The following EYS variants were observed in gnomAD, a reference collection of about 807,000 sequenced individuals.
EYS encodes protein eyes shut homolog.
EYS carries 250 observed loss-of-function variants against 282.1 expected under a neutral mutation model. The ratio of observed to expected loss-of-function variants is 0.89; its 90% CI spans 0.80 to 0.98. The LOEUF (loss-of-function observed/expected upper bound fraction) is 0.98. Among genes scored for constraint, EYS ranks in the 50% least tolerant of loss-of-function variants. The pLI is 0.00. For missense variants in EYS, 4,016 were observed against 3,709.0 expected, an observed-to-expected ratio of 1.08 and a Z score of -2.15; for synonymous variants, 1,355 against 1,282.9, an observed-to-expected ratio of 1.06 and a Z score of -1.20.
At chr6:63,928,021 G>A (rs548512657) in intron 35 of EYS, among the ~76,000 whole-genome samples, 5 of 152,280 alleles carry the variant, frequency 3.3e-5, no homozygotes, top group African/African-American at 1.2e-4. Flanking sequence ...AATGGAAAAA[G>A]CATTGGTTTC....
intron 26 of EYS, among the ~76,000 whole-genome samples, chr6:64,462,947 T>G (rs72872739): frequency 6.5e-4 from 55 of 84,182 alleles, no homozygotes; most frequent in South Asian, 7.6e-4. Flanking sequence ...CTTTAATTTT[T>G]TTTTTTTTTT....
intron 24 of EYS, among the ~76,000 whole-genome samples, chr6:64,608,372 T>C (rs1197292371): frequency 6.6e-6 from 1 of 152,086 alleles, no homozygotes; most frequent in African/African-American, 2.4e-5. Context: ...GAGTAGTTGG[T>C]CAAATAATAA....
intron 11 of EYS, among the ~76,000 whole-genome samples, chr6:65,318,999 T>G (rs562233418): frequency 6.6e-6 from 1 of 151,628 alleles, no homozygotes; most frequent in South Asian, 2.1e-4. Flanking sequence ...ATTTTCTACT[T>G]TTGATTTGTG....
intron 26 of EYS, among the ~76,000 whole-genome samples, chr6:64,574,298 A>G (rs1416197026): frequency 6.6e-6 from 1 of 152,132 alleles, no homozygotes; most frequent in Non-Finnish European, 1.5e-5. Flanking sequence ...AAGGGGAGGG[A>G]TATCATTAGG....
chr6:65,312,780 A>G (rs1769195231), intron 11 of EYS, among the ~76,000 whole-genome samples: 1 of 152,160 alleles, frequency 6.6e-6, no homozygotes, highest in Non-Finnish European at 1.5e-5. Flanking sequence ...CAGAGCTTCA[A>G]CGTTAAACAG....
intron 11 of EYS, chr6:65,330,761 CAA>C (rs1769766344): frequency 3.1e-6 from 3 of 960,770 alleles, no homozygotes; most frequent in African/African-American, 1.8e-5. Flanking sequence ...CCCGAAATCA[CAA>C]AGATATTTTT....
chr6:64,562,177 T>A (rs1177986403), intron 26 of EYS, among the ~76,000 whole-genome samples: 1 of 151,926 alleles, frequency 6.6e-6, no homozygotes, highest in Non-Finnish European at 1.5e-5. Context: ...ATCAGGATTT[T>A]TTTTTTTAGG....
intron 12 of EYS, among the ~76,000 whole-genome samples, chr6:65,166,549 C>T (rs1764976187): frequency 6.6e-6 from 1 of 151,096 alleles, no homozygotes; most frequent in Non-Finnish European, 1.5e-5. Flanking sequence ...CCTTATCTCA[C>T]ATTATACAAA....
chr6:64,618,287 A>T (rs530520256), intron 23 of EYS, among the ~76,000 whole-genome samples: 1 of 152,190 alleles, frequency 6.6e-6, no homozygotes, highest in Non-Finnish European at 1.5e-5. Context: ...ATTTTTTTGA[A>T]ACCATTGATT....
chr6:64,718,849 G>C lies in EYS; in HGVS notation c.3444-92604C>G, dbSNP rs79222582. ...GTGATAAGCAGTATGATAGCTCCCT[G>C]AAGGTATCCACACACTAATCTCTGG... On this transcript the variant is annotated intron_variant, in intron 22 of 42. Coordinates refer to ENST00000503581, the MANE Select transcript of EYS (RefSeq NM_001142800.2). Among the ~76,000 whole-genome samples the C allele has an allele frequency of 9.6e-3, 1,460 of 152,288 alleles. 27 individuals carry two copies. The highest frequency in any genetic ancestry group is 0.034 in the African/African-American group (1,393 of 41,546).
At chr6:64,295,033 G>A (rs943498507) in intron 30 of EYS, among the ~76,000 whole-genome samples, 3 of 151,852 alleles carry the variant, frequency 2.0e-5, no homozygotes, top group Non-Finnish European at 4.4e-5. Context: ...CTAATATTCA[G>A]CTATGGTTAT....
chr6:65,433,697 G>T (rs964375733), intron 5 of EYS, among the ~76,000 whole-genome samples: 3 of 152,118 alleles, frequency 2.0e-5, no homozygotes, highest in Admixed American at 1.3e-4. Context: ...TAATTTGATA[G>T]CTTTATAAGA....
At chr6:64,457,748 G>A (rs367682165) in intron 26 of EYS, among the ~76,000 whole-genome samples, 2 of 151,690 alleles carry the variant, frequency 1.3e-5, no homozygotes, top group Non-Finnish European at 2.9e-5. Context: ...GTCCTTACAA[G>A]TGAAATGAGT....
intron 28 of EYS, among the ~76,000 whole-genome samples, chr6:64,429,277 A>G (rs1403383015): frequency 6.6e-6 from 1 of 152,156 alleles, no homozygotes; most frequent in African/African-American, 2.4e-5. Flanking sequence ...TTTTGTGTTT[A>G]AAAATAGCCC....
chr6:64,041,543 C>A (rs933772222), intron 33 of EYS, among the ~76,000 whole-genome samples: 3 of 152,052 alleles, frequency 2.0e-5, no homozygotes, highest in African/African-American at 7.2e-5. Flanking sequence ...CTGTAGCCTG[C>A]CCTGGATTTG....
intron 36 of EYS, among the ~76,000 whole-genome samples, chr6:63,817,020 C>T (rs1771195788): frequency 6.6e-6 from 1 of 152,040 alleles, no homozygotes; most frequent in African/African-American, 2.4e-5. Flanking sequence ...GCATAATGGC[C>T]ATTTGTTCTC....
chr6:64,896,656 A>G (rs1767479381), intron 18 of EYS, among the ~76,000 whole-genome samples: 1 of 151,812 alleles, frequency 6.6e-6, no homozygotes, highest in African/African-American at 2.4e-5. Context: ...GGTCTTGCTC[A>G]GCAGATCCCA....
intron 35 of EYS, among the ~76,000 whole-genome samples, chr6:63,954,950 ACTC>A (rs1415588848): frequency 6.6e-6 from 1 of 150,932 alleles, no homozygotes. Context: ...CTATTCTACT[ACTC>A]CTCAGGGATT....
intron 2 of EYS, among the ~76,000 whole-genome samples, chr6:65,536,714 C>T (rs1344502349): frequency 6.6e-6 from 1 of 151,936 alleles, no homozygotes; most frequent in Non-Finnish European, 1.5e-5. Context: ...TTAGATAAGA[C>T]CTCAACAAAG....
Sources: allele counts gnomAD v4.1 joint callset (sites outside exome capture counted in the v4.1 genomes callset), GRCh38; gene constraint gnomAD v4.1.1; transcripts MANE v1.5; gene names NCBI Gene and HGNC (gene_info 2026-07-23, HGNC 2026-07-21).